SRGAP3: variants seen among roughly 807,000 people sequenced by gnomAD.
SRGAP3 encodes SLIT-ROBO Rho GTPase activating protein 3.
In SRGAP3, 39 loss-of-function variants were observed where a neutral mutation model predicts 121.1. That is an observed-to-expected ratio of 0.32 (90% CI 0.25 to 0.42). SRGAP3 has a LOEUF of 0.42. SRGAP3 is among the 10% of genes least tolerant of loss of function. SRGAP3 has a pLI of 1.00. For missense variants in SRGAP3, 1,213 were observed against 1,470.6 expected, an observed-to-expected ratio of 0.82 and a Z score of 2.86; for synonymous variants, 601 against 570.0, an observed-to-expected ratio of 1.05 and a Z score of -0.77.
chr3:9,162,933 A>T (rs1950645942), intron 1 of SRGAP3, among the ~76,000 whole-genome samples: 1 of 152,216 alleles, frequency 6.6e-6, no homozygotes, highest in Non-Finnish European at 1.5e-5. Context: ...GGCAGGCTGA[A>T]TTTCAGTCTC....
chr3:9,058,845 G>A (rs1013697651), intron 6 of SRGAP3: 53 of 255,074 alleles, frequency 2.1e-4, no homozygotes, highest in African/African-American at 1.1e-3. Context: ...TCAGCCTCCC[G>A]AGTAGCTGAG....
chr3:9,167,855 C>T (rs1032857114), intron 1 of SRGAP3, among the ~76,000 whole-genome samples: 7 of 152,200 alleles, frequency 4.6e-5, no homozygotes, highest in African/African-American at 1.4e-4. Flanking sequence ...TCCCACCCTA[C>T]TCCTCCCTCA....
chr3:9,264,054 G>C (rs1232023046), intron 3 of SRGAP3, among the ~76,000 whole-genome samples: 2 of 152,176 alleles, frequency 1.3e-5, no homozygotes, highest in Non-Finnish European at 2.9e-5. Context: ...TGGGATGCAA[G>C]GCTGGTTCAA....
chr3:9,101,139 G>T (rs1948199845), intron 3 of SRGAP3, among the ~76,000 whole-genome samples: 1 of 152,352 alleles, frequency 6.6e-6, no homozygotes, highest in African/African-American at 2.4e-5. Context: ...TTCCCACATG[G>T]AATGAGCTAT....
chr3:9,354,855 A>G (rs1397398909), intron 1 of SRGAP3, among the ~76,000 whole-genome samples: 1 of 152,166 alleles, frequency 6.6e-6, no homozygotes, highest in Non-Finnish European at 1.5e-5. Flanking sequence ...TAATATAACC[A>G]CTACTTCCAG....
intron 18 of SRGAP3, 61 bp downstream of exon 18, chr3:9,010,247 C>T: frequency 6.3e-7 from 1 of 1,599,672 alleles, no homozygotes; most frequent in Non-Finnish European, 8.6e-7. Context: ...GTTGGGCTGA[C>T]AAAAGTCAGT....
At chr3:9,254,995 AAG>A (rs755961989) in intron 3 of SRGAP3, among the ~76,000 whole-genome samples, 1 of 139,932 alleles carries the variant, frequency 7.1e-6, no homozygotes, top group African/African-American at 2.6e-5. Flanking sequence ...AAAAGAAAGA[AAG>A]GGGAAGGAAG....
intron 1 of SRGAP3, among the ~76,000 whole-genome samples, chr3:9,130,474 C>T (rs1295702957): frequency 6.6e-6 from 1 of 152,156 alleles, no homozygotes; most frequent in African/African-American, 2.4e-5. Context: ...ACTAGTGTTT[C>T]TCCACTTTTT....
intron 1 of SRGAP3, among the ~76,000 whole-genome samples, chr3:9,173,079 T>C (rs1010123562): frequency 6.6e-6 from 1 of 152,190 alleles, no homozygotes; most frequent in Non-Finnish European, 1.5e-5. Flanking sequence ...CCGAGTCAGC[T>C]GGCCTGGCGC....
chr3:9,087,173 T>A (rs1015482838), intron 3 of SRGAP3, among the ~76,000 whole-genome samples: 1 of 152,108 alleles, frequency 6.6e-6, no homozygotes, highest in Non-Finnish European at 1.5e-5. Flanking sequence ...GAAGTGACAG[T>A]TCCTCTAAGA....
At chr3:9,021,323 C>G (rs1282220208) in intron 14 of SRGAP3, among the ~76,000 whole-genome samples, 3 of 152,206 alleles carry the variant, frequency 2.0e-5, no homozygotes, top group Admixed American at 6.5e-5. Flanking sequence ...TCTGTGCATA[C>G]AAAGAGGGCA....
In SRGAP3 at chr3:9,239,126, T is replaced by C. The variant is rs1953532419; in HGVS notation, c.67+9759A>G. On this transcript the variant is annotated intron_variant, in intron 1 of 21. Transcript: ENST00000383836. This position sits in a 1 kb window ranked among gnomAD's most constrained non-coding sequence, Gnocchi z 4.0. Reference sequence around the variant, plus strand: ...CGGCCGCAGTGGCTCACACCTATAATCCCAGCATTTTGGGAGGCCAAGGTG... The same window carrying C: ...CGGCCGCAGTGGCTCACACCTATAACCCCAGCATTTTGGGAGGCCAAGGTG... 6.6e-6 allele frequency among the ~76,000 whole-genome samples: 1 copy of C among 152,140 alleles called. No homozygotes were observed. The highest frequency in any genetic ancestry group is 1.5e-5 in the Non-Finnish European group (1 of 68,010).
At chr3:9,187,782 C>G (rs542936308) in intron 1 of SRGAP3, among the ~76,000 whole-genome samples, 3 of 152,356 alleles carry the variant, frequency 2.0e-5, no homozygotes, top group African/African-American at 7.2e-5. Context: ...TCACCGAACG[C>G]TCGCTCACTG....
At chr3:9,304,611 C>G (rs1288213415) in intron 3 of SRGAP3, among the ~76,000 whole-genome samples, 1 of 152,208 alleles carries the variant, frequency 6.6e-6, no homozygotes, top group Non-Finnish European at 1.5e-5. Flanking sequence ...CTCCAAGCTA[C>G]AGCGAGTGGC....
At chr3:9,221,993 C>A (rs1462312073) in intron 1 of SRGAP3, among the ~76,000 whole-genome samples, 3 of 152,202 alleles carry the variant, frequency 2.0e-5, no homozygotes, top group Non-Finnish European at 4.4e-5. Flanking sequence ...TAGCCCCTCT[C>A]CTTTGGAAAC....
intron 18 of SRGAP3, among the ~76,000 whole-genome samples, chr3:9,009,251 T>C (rs1943238171): frequency 6.6e-6 from 1 of 152,082 alleles, no homozygotes; most frequent in African/African-American, 2.4e-5. Context: ...CCTGCCCTGC[T>C]CTCCTGACAA....
At chr3:8,987,640 T>C (rs1018993275) in intron 21 of SRGAP3, among the ~76,000 whole-genome samples, 2 of 123,002 alleles carry the variant, frequency 1.6e-5, no homozygotes, top group Admixed American at 7.3e-5. Flanking sequence ...GCCTGTCCTT[T>C]TTGTTAGGGG....
intron 1 of SRGAP3, among the ~76,000 whole-genome samples, chr3:9,175,041 C>A (rs1211266351): frequency 6.6e-6 from 1 of 152,156 alleles, no homozygotes; most frequent in Non-Finnish European, 1.5e-5. Flanking sequence ...TTCCCACAGT[C>A]CCCCTACATC....
intron 1 of SRGAP3, among the ~76,000 whole-genome samples, chr3:9,141,433 A>T (rs1362532175): frequency 7.0e-6 from 1 of 143,518 alleles, no homozygotes; most frequent in East Asian, 2.1e-4. Flanking sequence ...AGGCTGAGTG[A>T]TTTATGTTTC....
Sources: gnomAD v4.1 joint callset for allele counts (sites outside exome capture counted in the v4.1 genomes callset) on GRCh38, gnomAD v4.1.1 for gene constraint, Gnocchi (gnomAD v3.1) non-coding constraint, MANE v1.5 for transcripts, NCBI Gene and HGNC (gene_info 2026-07-23, HGNC 2026-07-21) for gene names.